The following PLXNA2 variants were observed in gnomAD, a reference collection of about 807,000 sequenced individuals.
The protein encoded by PLXNA2 is plexin-A2.
In PLXNA2, 91 loss-of-function variants were observed where a neutral mutation model predicts 193.5. The observed-to-expected ratio is 0.47, with a 90% CI of 0.40 to 0.56. The LOEUF is 0.56. Among genes scored for constraint, PLXNA2 ranks in the 20% least tolerant of loss-of-function variants. The pLI is 0.00. For synonymous variants in PLXNA2, 997 were observed against 1,027.3 expected (o/e 0.97, Z 0.56); for missense variants, 1,995 against 2,503.2 (o/e 0.80, Z 4.33).
chr1:208,048,200 T>C (rs1335930510), intron 17 of PLXNA2, among the ~76,000 whole-genome samples: 1 of 152,182 alleles, frequency 6.6e-6, no homozygotes, highest in African/African-American at 2.4e-5. Flanking sequence ...TCGGCACTTT[T>C]GTTTGCCAAA....
intron 1 of PLXNA2, among the ~76,000 whole-genome samples, chr1:208,235,062 A>C (rs1472610471): frequency 6.6e-6 from 1 of 152,190 alleles, no homozygotes; most frequent in African/African-American, 2.4e-5. Context: ...CAGCAATGCC[A>C]ACCTACCAAT....
intron 12 of PLXNA2, among the ~76,000 whole-genome samples, chr1:208,076,188 C>A (rs1571888969): frequency 6.6e-6 from 1 of 152,068 alleles, no homozygotes; most frequent in East Asian, 1.9e-4. Context: ...CCACCCCAGT[C>A]TCCCGAGTAG....
At chr1:208,031,166 C>G (rs928657771) in intron 29 of PLXNA2, 1 of 1,006,628 alleles carries the variant, frequency 9.9e-7, no homozygotes, top group Non-Finnish European at 1.2e-6. Flanking sequence ...TTCCCCATCT[C>G]AGGAAGTGCC....
Position 208,159,838 on chromosome 1 carries a change from T to A in PLXNA2, c.1372-17375A>T, listed in dbSNP as rs188111755. 2.3e-3 allele frequency among the ~76,000 whole-genome samples: 355 copies of A among 152,150 alleles called. 2 individuals carry two copies. Among genetic ancestry groups the A allele is most frequent in the African/African-American group, 8.0e-3 (331 of 41,494 alleles). On this transcript the variant is annotated intron_variant, in intron 3 of 31. Coordinates refer to ENST00000367033, the MANE Select transcript of PLXNA2 (RefSeq NM_025179.4). ...AGCCAGGGGCTGGTGAGTGGGAGGG[T>A]GAACCTGTGCTTCCAGAGCCAGGGA...
rs111798555 is a variant in PLXNA2 at position 208,231,310 on chromosome 1, G to A, written c.-81+12333C>T. 1.5e-3 allele frequency among the ~76,000 whole-genome samples: 229 copies of A among 152,188 alleles called. 2 individuals are homozygous for A. The highest frequency in any genetic ancestry group is 0.01 in the Middle Eastern group (3 of 294). ...ATGAATGGGGTGTGAGAGAGAAGCC[G>A]GGAAAAGGGTAAACAGCCAGGAGGG... On this transcript the variant is annotated intron_variant, in intron 1 of 31. Transcript: ENST00000367033.
At chr1:208,072,944 T>C (rs1355686823) in intron 12 of PLXNA2, among the ~76,000 whole-genome samples, 1 of 152,094 alleles carries the variant, frequency 6.6e-6, no homozygotes, top group Non-Finnish European at 1.5e-5. Flanking sequence ...GGTGGGGAAA[T>C]GTATAGCCAA....
intron 1 of PLXNA2, among the ~76,000 whole-genome samples, chr1:208,232,792 G>C (rs780710664): frequency 1.3e-5 from 2 of 152,194 alleles, no homozygotes; most frequent in Non-Finnish European, 2.9e-5. Context: ...CACCCTGCTC[G>C]GTGGAGACTG....
chr1:208,243,347 G>A (rs930814988), intron 1 of PLXNA2, among the ~76,000 whole-genome samples: 1 of 152,058 alleles, frequency 6.6e-6, no homozygotes, highest in African/African-American at 2.4e-5. Context: ...GAGGCGCGCC[G>A]CGGAGCGCTG....
intron 1 of PLXNA2, among the ~76,000 whole-genome samples, chr1:208,227,411 C>T (rs73082026): frequency 0.014 from 2,123 of 152,272 alleles, 54 homozygotes; most frequent in African/African-American, 0.048. Flanking sequence ...CCTAACGTGA[C>T]GAGCATCAGC....
intron 3 of PLXNA2, among the ~76,000 whole-genome samples, chr1:208,166,402 T>A (rs1300944167): frequency 6.6e-6 from 1 of 152,216 alleles, no homozygotes; most frequent in Admixed American, 6.5e-5. Context: ...CAAAAAGACA[T>A]GATCATTGAC....
At chr1:208,046,571 TG>T (rs1558163446) in intron 17 of PLXNA2, among the ~76,000 whole-genome samples, 1 of 151,908 alleles carries the variant, frequency 6.6e-6, no homozygotes, top group Non-Finnish European at 1.5e-5. Context: ...AGTGTGTGTG[TG>T]TGTGTGTATG....
chr1:208,207,754 A>G (rs941345813), intron 3 of PLXNA2, among the ~76,000 whole-genome samples: 22 of 152,158 alleles, frequency 1.4e-4, no homozygotes, highest in African/African-American at 4.3e-4. Context: ...GGGAGCAAGT[A>G]AGCTGGTAGA....
At chr1:208,222,201 A>G (rs1048146943) in intron 1 of PLXNA2, among the ~76,000 whole-genome samples, 7 of 152,150 alleles carry the variant, frequency 4.6e-5, no homozygotes, top group African/African-American at 1.7e-4. Context: ...ACTTCCTCCT[A>G]TCCCCAATTT....
intron 9 of PLXNA2, among the ~76,000 whole-genome samples, chr1:208,086,528 C>T (rs1403251180): frequency 6.6e-6 from 1 of 152,012 alleles, no homozygotes; most frequent in African/African-American, 2.4e-5. Context: ...GGGGGAAATT[C>T]TGCACAGAAA....
At chr1:208,042,495 AC>A (rs1008208977) in intron 21 of PLXNA2, 129 bp from the exon 22 acceptor site, 76 of 876,872 alleles carry the variant, frequency 8.7e-5, no homozygotes, top group Non-Finnish European at 1.2e-4. Flanking sequence ...CCTATAACCA[AC>A]CCCACCCCAT....
At chr1:208,158,983 G>A (rs968949809) in intron 3 of PLXNA2, among the ~76,000 whole-genome samples, 1 of 152,206 alleles carries the variant, frequency 6.6e-6, no homozygotes, top group African/African-American at 2.4e-5. Flanking sequence ...CTCCCAGGGA[G>A]GACTGTGCTT....
chr1:208,200,656 A>G (rs944801742), intron 3 of PLXNA2, among the ~76,000 whole-genome samples: 14 of 142,976 alleles, frequency 9.8e-5, no homozygotes, highest in African/African-American at 3.7e-4. Context: ...CAGTGGTACA[A>G]TCTTGGCTCC....
intron 4 of PLXNA2, among the ~76,000 whole-genome samples, chr1:208,130,328 C>A (rs1277433880): frequency 2.0e-5 from 3 of 152,156 alleles, no homozygotes; most frequent in African/African-American, 2.4e-5. Context: ...ACACACATTT[C>A]CCCCAGTGGG....
Position 208,217,787 on chromosome 1 carries a change from G to A in PLXNA2, c.136C>T (p.Arg46Cys), listed in dbSNP as rs766460058. 21 of 1,614,050 alleles carry A rather than the reference G, an allele frequency of 1.3e-5. No individual in the cohort carries two copies. The highest frequency in any genetic ancestry group is 1.6e-4 in the Middle Eastern group (1 of 6,084). ...GTCAAGTGGTTGAAGGTCCAGTCAC[G>A]ATTCTCAGAGTGGAAGGTGCTGAAC... ...PQFSTFHSEN[R>C]DWTFNHLTVH... Residue 46 changes from arginine to cysteine, a missense_variant, in exon 2 of 32, where the codon CGT becomes TGT. Coordinates refer to ENST00000367033, the MANE Select transcript of PLXNA2 (RefSeq NM_025179.4). This position sits in a 1 kb window ranked among gnomAD's most constrained non-coding sequence, Gnocchi z 4.7.
Sources: allele counts gnomAD v4.1 joint callset (sites outside exome capture counted in the v4.1 genomes callset), GRCh38; gene constraint gnomAD v4.1.1; non-coding constraint Gnocchi (gnomAD v3.1); transcripts MANE v1.5; gene names NCBI Gene and HGNC (gene_info 2026-07-23, HGNC 2026-07-21).